TPST1: variants seen among roughly 807,000 people sequenced by gnomAD.
TPST1 encodes protein-tyrosine sulfotransferase 1.
In TPST1, 20 loss-of-function variants were observed where a neutral mutation model predicts 34.8. That is an observed-to-expected ratio of 0.57 (90% confidence interval 0.40 to 0.84). TPST1 has a LOEUF of 0.84. TPST1 is among the 40% of genes least tolerant of loss of function. TPST1 has a pLI of 0.00. For missense variants in TPST1, 353 were observed against 455.5 expected, an observed-to-expected ratio of 0.78 and a Z score of 2.05; for synonymous variants, 152 against 159.4, an observed-to-expected ratio of 0.95 and a Z score of 0.35.
rs1420676052 is a variant in TPST1 at position 66,326,935 on chromosome 7, G to A, written c.1045-25570G>A. 1.6e-4 allele frequency among the ~76,000 whole-genome samples: 25 copies of A among 152,176 alleles called. 1 individual carries two copies. The highest frequency in any genetic ancestry group is 1.6e-3 in the Admixed American group (25 of 15,280). On this transcript the variant is annotated intron_variant, in intron 3 of 5. Coordinates refer to ENST00000304842, the MANE Select transcript of TPST1 (RefSeq NM_003596.4). ...TGAACTTTCCTAGAACTGAGTCTGAGATTTGCAAAGCTGCCAAAATATTTT... is the reference window on the plus strand; with the variant it reads ...TGAACTTTCCTAGAACTGAGTCTGAAATTTGCAAAGCTGCCAAAATATTTT...
intron 2 of TPST1, among the ~76,000 whole-genome samples, chr7:66,278,100 CAAAAAAAA>C (rs35654351): frequency 1.2e-3 from 60 of 50,246 alleles, no homozygotes; most frequent in East Asian, 4.2e-3. Context: ...GACTCCATCT[CAAAAAAAA>C]AAAAAAAAAA....
chr7:66,274,224 C>T (rs1790761471), intron 2 of TPST1, among the ~76,000 whole-genome samples: 1 of 151,848 alleles, frequency 6.6e-6, no homozygotes. Context: ...AAAAATTAGT[C>T]AGGTGTGGTG....
chr7:66,286,434 A>G (rs1190122905), intron 2 of TPST1, 77 bp from the exon 3 acceptor site: 2 of 1,150,988 alleles, frequency 1.7e-6, no homozygotes, highest in Non-Finnish European at 2.3e-6. Context: ...TCATTAAAAC[A>G]TAATTTATAG....
chr7:66,249,816 C>T (rs1298857350), intron 2 of TPST1, among the ~76,000 whole-genome samples: 1 of 152,180 alleles, frequency 6.6e-6, no homozygotes, highest in Non-Finnish European at 1.5e-5. Context: ...GCCTGCAACA[C>T]CTTTCTCTCA....
intron 2 of TPST1, among the ~76,000 whole-genome samples, chr7:66,261,072 T>C (rs1790477221): frequency 6.6e-6 from 1 of 152,194 alleles, no homozygotes; most frequent in Non-Finnish European, 1.5e-5. Flanking sequence ...TGCTGGGCTC[T>C]GCCTGGGACC....
At chr7:66,237,502 G>A (rs2116385485) in intron 1 of TPST1, among the ~76,000 whole-genome samples, 1 of 152,200 alleles carries the variant, frequency 6.6e-6, no homozygotes, top group East Asian at 1.9e-4. Context: ...CTCTCAGAAT[G>A]TATTTTTTAG....
chr7:66,317,703 A>G (rs368187556), intron 3 of TPST1, among the ~76,000 whole-genome samples: 1 of 151,382 alleles, frequency 6.6e-6, no homozygotes, highest in Non-Finnish European at 1.5e-5. Flanking sequence ...TTGCAGACCT[A>G]TTGTCCCTTT....
chr7:66,321,690 A>G (rs1791760586), intron 3 of TPST1, among the ~76,000 whole-genome samples: 1 of 152,156 alleles, frequency 6.6e-6, no homozygotes, highest in South Asian at 2.1e-4. Flanking sequence ...ATACCTGTTT[A>G]CTCTCTAACC....
At chr7:66,251,891 T>C in intron 2 of TPST1, among the ~76,000 whole-genome samples, 1 of 152,168 alleles carries the variant, frequency 6.6e-6, no homozygotes, top group East Asian at 1.9e-4. Flanking sequence ...TACTATTCTC[T>C]GGTATAATAT....
chr7:66,204,632 G>GA (rs1330736073), upstream of TPST1, among the ~76,000 whole-genome samples: 1 of 152,202 alleles, frequency 6.6e-6, no homozygotes, highest in African/African-American at 2.4e-5. Context: ...GTGTCTGTAG[G>GA]AAGAAACTGT....
chr7:66,281,632 T>C (rs1041732175), intron 2 of TPST1, among the ~76,000 whole-genome samples: 3 of 152,256 alleles, frequency 2.0e-5, no homozygotes, highest in South Asian at 4.1e-4. Context: ...GAAAACATGG[T>C]TTTTAATGGT....
intron 4 of TPST1, among the ~76,000 whole-genome samples, chr7:66,353,257 C>G (rs1672730399): frequency 6.6e-6 from 1 of 151,832 alleles, no homozygotes; most frequent in Admixed American, 6.6e-5. Flanking sequence ...GTTGCTGAGC[C>G]AAGATTACAC....
At chr7:66,227,606 C>CT (rs145047430) in intron 1 of TPST1, among the ~76,000 whole-genome samples, 5,587 of 152,002 alleles carry the variant, frequency 0.037, 164 homozygotes, top group East Asian at 0.089. Flanking sequence ...AGAATAGACT[C>CT]TAATGGGCAG....
intron 4 of TPST1, among the ~76,000 whole-genome samples, chr7:66,353,234 C>T (rs190473381): frequency 3.2e-4 from 48 of 151,988 alleles, no homozygotes; most frequent in African/African-American, 1.0e-3. Context: ...ATCACATGAA[C>T]CGGGAGGTGG....
intron 2 of TPST1, among the ~76,000 whole-genome samples, chr7:66,243,592 C>A (rs1790082518): frequency 6.6e-6 from 1 of 150,482 alleles, no homozygotes. Context: ...TACAGGCACG[C>A]ATCACCATGC....
intron 2 of TPST1, among the ~76,000 whole-genome samples, chr7:66,278,635 G>A (rs1790869081): frequency 6.6e-6 from 1 of 151,924 alleles, no homozygotes. Flanking sequence ...ATACAAAAAA[G>A]TAGCTGGGCT....
chr7:66,333,908 C>T (rs1353062857), intron 3 of TPST1, among the ~76,000 whole-genome samples: 1 of 152,168 alleles, frequency 6.6e-6, no homozygotes, highest in African/African-American at 2.4e-5. Flanking sequence ...CAACCCTAAA[C>T]TCATTTGTCA....
At chr7:66,220,481 G>A (rs1321255725) in intron 1 of TPST1, among the ~76,000 whole-genome samples, 1 of 152,158 alleles carries the variant, frequency 6.6e-6, no homozygotes, top group Non-Finnish European at 1.5e-5. Context: ...GCACTAGGAA[G>A]GACACCTGTG....
intron 2 of TPST1, 108 bp downstream of exon 2, chr7:66,241,378 A>T (rs1397384369): frequency 2.2e-6 from 3 of 1,348,528 alleles, no homozygotes; most frequent in Non-Finnish European, 2.9e-6. Context: ...TCCTGTGTGT[A>T]TATATAGAAA....
Sources: allele counts gnomAD v4.1 joint callset (sites outside exome capture counted in the v4.1 genomes callset), GRCh38; gene constraint gnomAD v4.1.1; transcripts MANE v1.5; gene names NCBI Gene and HGNC (gene_info 2026-07-23, HGNC 2026-07-21).